The following FAM178B variants were observed in gnomAD, a reference collection of about 807,000 sequenced individuals.
The protein encoded by FAM178B is family with sequence similarity 178 member B.
FAM178B carries 82 observed loss-of-function variants against 91.7 expected under a neutral mutation model. That is an observed-to-expected ratio of 0.89 (90% CI 0.75 to 1.07). FAM178B has a LOEUF of 1.07. Among genes scored for constraint, FAM178B ranks in the 50% least tolerant of loss-of-function variants. FAM178B has a pLI of 0.00. For synonymous variants in FAM178B, 368 were observed against 359.4 expected (o/e 1.02, Z -0.27); for missense variants, 769 against 846.7 (o/e 0.91, Z 1.14).
chr2:96,985,992 T>C (rs1392561800), intron 1 of FAM178B, among the ~76,000 whole-genome samples: 3 of 152,184 alleles, frequency 2.0e-5, no homozygotes, highest in Non-Finnish European at 1.5e-5. Context: ...CATAAACCAG[T>C]TCTCAAACCA....
intron 14 of FAM178B, among the ~76,000 whole-genome samples, chr2:96,883,792 C>T (rs995447425): frequency 1.3e-5 from 2 of 152,336 alleles, no homozygotes; most frequent in South Asian, 2.1e-4. Context: ...GGATTCTGGC[C>T]TGGGGTACCA....
intron 8 of FAM178B, among the ~76,000 whole-genome samples, chr2:96,946,356 ATGC>A (rs1211855924): frequency 6.6e-6 from 1 of 152,162 alleles, no homozygotes; most frequent in African/African-American, 2.4e-5. Context: ...ATTGTGAACA[ATGC>A]TGCTAAGAAC....
intron 6 of FAM178B, among the ~76,000 whole-genome samples, chr2:96,953,340 G>C (rs1044183096): frequency 1.3e-5 from 2 of 152,222 alleles, no homozygotes; most frequent in Admixed American, 6.5e-5. Context: ...TTGCAAGTTG[G>C]CAGAACCCCG....
In FAM178B at chr2:96,981,979, A is replaced by G. The variant is rs532333804; in HGVS notation, c.73+4262T>C. Among the ~76,000 whole-genome samples, 40 of 151,944 alleles carry G rather than the reference A, an allele frequency of 2.6e-4. No homozygotes were observed. In the Middle Eastern group the frequency reaches 0.014, roughly 52 times the overall value. On this transcript the variant is annotated intron_variant, in intron 1 of 16. Transcript: ENST00000490605. ...GCTACTTGGGAGGCTGAGTGGGAGG[A>G]TCATCTGAGTCCAGGAGGTCAAGGT...
Position 96,960,422 on chromosome 2 carries a change from G to C in FAM178B, c.753C>G (p.Tyr251Ter), listed in dbSNP as rs1284062734. The C allele has an allele frequency of 6.5e-7, 1 of 1,547,116 alleles. No homozygotes were observed. The highest frequency in any genetic ancestry group is 2.5e-5 in the East Asian group (1 of 40,740). Residue 251 changes from tyrosine to a stop codon, truncating the protein, a stop_gained, in exon 6 of 17, where the codon TAC becomes TAG. Coordinates refer to ENST00000490605, the MANE Select transcript of FAM178B (RefSeq NM_001122646.3). LOFTEE classifies it high-confidence loss of function. ...GCGGGATGGTCTGCAGGGACACTGA[G>C]TACTTTTCCACCAGCATCCTGGCAA... ...TPEHRMLVEKYSVSLQTIPPV... is the reference protein window; with the variant it reads ...TPEHRMLVEK
intron 12 of FAM178B, among the ~76,000 whole-genome samples, chr2:96,905,836 A>ATG (rs1559064045): frequency 1.0e-3 from 29 of 28,480 alleles, no homozygotes; most frequent in African/African-American, 2.8e-3. Flanking sequence ...ATATATATAT[A>ATG]TATATATATA....
Position 96,951,662 on chromosome 2 carries a change from C to A in FAM178B, c.888-178G>T, listed in dbSNP as rs184062536. ...CATGATCTGTCAGAAGGAAAAGAAC[C>A]CAGGCTAGCATCAGAATCACCTGCT... On this transcript the variant is annotated intron_variant, in intron 6 of 16. Coordinates refer to ENST00000490605, the MANE Select transcript of FAM178B (RefSeq NM_001122646.3). 5 of 585,024 alleles carry A rather than the reference C, an allele frequency of 8.5e-6. No individual in the cohort carries two copies. The Admixed American group carries it at 1.4e-4, about 17-fold the overall frequency. 36.2% of individuals were successfully genotyped at this position (585,024 alleles called of 1,614,324 possible).
intron 13 of FAM178B, among the ~76,000 whole-genome samples, chr2:96,901,745 GT>G (rs2080937110): frequency 6.6e-6 from 1 of 152,112 alleles, no homozygotes; most frequent in Admixed American, 6.5e-5. Flanking sequence ...GCACAACACT[GT>G]GAATGAACTT....
chr2:96,911,677 GC>G (rs1438951623), intron 12 of FAM178B, among the ~76,000 whole-genome samples: 1 of 152,244 alleles, frequency 6.6e-6, no homozygotes, highest in Non-Finnish European at 1.5e-5. Flanking sequence ...GGATGCTCTG[GC>G]GGAAATCCAA....
intron 6 of FAM178B, among the ~76,000 whole-genome samples, chr2:96,957,023 ATT>A (rs11345160): frequency 6.7e-6 from 1 of 150,112 alleles, no homozygotes; most frequent in Admixed American, 6.6e-5. Context: ...CCCATGGCTC[ATT>A]TTTTTTTTGC....
Position 96,878,435 on chromosome 2 carries a change from TC to T in FAM178B, c.1834del (p.Asp612ThrfsTer52). On this transcript the variant is annotated frameshift_variant, in exon 15 of 17. Transcript: ENST00000490605. LOFTEE classifies it high-confidence loss of function. Reference sequence around the variant, plus strand: ...ACTCACCCACTGGTCTGGAGTGATGTCCTGGCAGCTAACAACTACCCCGGCC... The same window carrying T: ...ACTCACCCACTGGTCTGGAGTGATGTCTGGCAGCTAACAACTACCCCGGCC... ...MLAGVVVSCQ[D>X]ITPDQWGELQ... is the part of the protein sequence containing the mutation. 6.2e-7 allele frequency: 1 copy of T among 1,613,990 alleles called. No homozygotes were observed. Among genetic ancestry groups the T allele is most frequent in the South Asian group, 1.1e-5 (1 of 91,064 alleles).
chr2:96,880,265 G>A (rs1159849886), intron 14 of FAM178B, among the ~76,000 whole-genome samples: 1 of 152,008 alleles, frequency 6.6e-6, no homozygotes. Context: ...TGTGCAGGCA[G>A]AGGAGGGCTG....
At chr2:96,936,784 T>A (rs2081639596) in intron 8 of FAM178B, among the ~76,000 whole-genome samples, 1 of 152,138 alleles carries the variant, frequency 6.6e-6, no homozygotes, top group South Asian at 2.1e-4. Flanking sequence ...ATGCTGGGAT[T>A]ACAGGCGTGA....
intron 8 of FAM178B, among the ~76,000 whole-genome samples, chr2:96,947,332 AG>A (rs2081846669): frequency 6.6e-6 from 1 of 152,158 alleles, no homozygotes. Context: ...GACCAAACTC[AG>A]GGGCACTGTG....
chr2:96,933,859 A>ACC (rs1309835577), intron 8 of FAM178B, among the ~76,000 whole-genome samples: 1 of 152,178 alleles, frequency 6.6e-6, no homozygotes, highest in Non-Finnish European at 1.5e-5. Flanking sequence ...AAAGCAAGCT[A>ACC]CCCATCCCAC....
intron 7 of FAM178B, among the ~76,000 whole-genome samples, chr2:96,948,957 T>TA (rs1407467868): frequency 1.3e-5 from 2 of 152,172 alleles, no homozygotes; most frequent in Admixed American, 6.5e-5. Flanking sequence ...CCCCCCCCAG[T>TA]AAGCCTGCGT....
chr2:96,921,221 G>A lies in FAM178B; in HGVS notation c.1506C>T (p.His502=). ...GCACGAGGGCCAGCAGGTTGTGGTG[G>A]TGGTCAGACACCCAGCTCAGGGTGC... ...LCCTLSWVSD[H]HHNLLALVQF... The change falls in exon 12 of 17, where the codon CAC becomes CAT. Residue 502 remains histidine, a synonymous_variant. Transcript: ENST00000490605. The A allele has an allele frequency of 6.4e-7, 1 of 1,551,602 alleles. No individual in the cohort carries two copies. Among genetic ancestry groups the A allele is most frequent in the Non-Finnish European group, 8.7e-7 (1 of 1,146,984 alleles).
chr2:96,894,316 ACC>A (rs2080757355), intron 13 of FAM178B, among the ~76,000 whole-genome samples: 1 of 145,420 alleles, frequency 6.9e-6, no homozygotes, highest in Admixed American at 6.8e-5. Context: ...ACACACACAG[ACC>A]CACACACACT....
intron 1 of FAM178B, among the ~76,000 whole-genome samples, chr2:96,975,116 AAAG>A: frequency 6.6e-6 from 1 of 151,070 alleles, no homozygotes; most frequent in Non-Finnish European, 1.5e-5. Flanking sequence ...AAAAAAAAAA[AAAG>A]AACCAATCAT....
Sources: allele counts gnomAD v4.1 joint callset (sites outside exome capture counted in the v4.1 genomes callset), GRCh38; gene constraint gnomAD v4.1.1; transcripts MANE v1.5; gene names NCBI Gene and HGNC (gene_info 2026-07-23, HGNC 2026-07-21).